HTR7: variants seen among roughly 807,000 people sequenced by gnomAD.
HTR7 encodes the protein 5-HT-7.
Under a neutral mutation model 34.0 loss-of-function variants are expected in HTR7, and 16 were observed. The ratio of observed to expected loss-of-function variants is 0.47; its 90% confidence interval spans 0.32 to 0.71. The LOEUF is 0.71. HTR7 is among the 30% of genes least tolerant of loss of function. The probability of loss-of-function intolerance (pLI) is 0.04; values close to 1 mark genes in which losing one functional copy is unlikely to be tolerated. For synonymous variants in HTR7, 265 were observed against 260.2 expected (o/e 1.02, Z -0.18); for missense variants, 504 against 625.5 (o/e 0.81, Z 2.07).
intron 1 of HTR7, among the ~76,000 whole-genome samples, chr10:90,827,016 T>C (rs532700230): frequency 2.6e-5 from 4 of 151,692 alleles, no homozygotes; most frequent in African/African-American, 9.7e-5. Flanking sequence ...GCAAGCCTCA[T>C]AGTAACTTCA....
At chr10:90,818,448 A>G (rs1845930284) in intron 1 of HTR7, among the ~76,000 whole-genome samples, 1 of 150,088 alleles carries the variant, frequency 6.7e-6, no homozygotes, top group Admixed American at 6.6e-5. Context: ...TGGGAAGCTG[A>G]GGCAGAAGAA....
In HTR7 at chr10:90,844,725, T is replaced by TAAAAA. The variant is rs1564701422; in HGVS notation, c.539+12407_539+12408insTTTTT. Among the ~76,000 whole-genome samples the TAAAAA allele has an allele frequency of 9.7e-4, 27 of 27,796 alleles. 5 individuals carry two copies. Among genetic ancestry groups the TAAAAA allele is most frequent in the Admixed American group, 3.2e-3 (7 of 2,162 alleles). 18.2% of individuals were successfully genotyped at this position (27,796 alleles called of 152,430 possible). A position where few individuals can be genotyped will look rare whatever the true frequency, so the allele number is the denominator to read the frequency against. ...CTGGGCAACAGAATGAGACTCCGTC[T>TAAAAA]CAAAAAAAAAAAAAAAAAAAAAAAA... On this transcript the variant is annotated intron_variant, in intron 1 of 3. Coordinates refer to ENST00000336152, the MANE Select transcript of HTR7 (RefSeq NM_019859.4).
intron 1 of HTR7, among the ~76,000 whole-genome samples, chr10:90,767,602 T>A (rs1238883038): frequency 6.6e-6 from 1 of 152,158 alleles, no homozygotes; most frequent in Non-Finnish European, 1.5e-5. Flanking sequence ...TGTGACTTGT[T>A]TTTACCAACA....
At chr10:90,806,365 G>A (rs1845706495) in intron 1 of HTR7, among the ~76,000 whole-genome samples, 1 of 152,158 alleles carries the variant, frequency 6.6e-6, no homozygotes, top group African/African-American at 2.4e-5. Context: ...TTGGGAGGCT[G>A]AGGTGGGCGG....
chr10:90,822,005 C>A (rs571812458), intron 1 of HTR7, among the ~76,000 whole-genome samples: 11 of 152,148 alleles, frequency 7.2e-5, no homozygotes, highest in Non-Finnish European at 1.0e-4. Context: ...GCATAAATTA[C>A]CGAGTCTCAG....
At chr10:90,769,251 TA>T (rs1845070273) in intron 1 of HTR7, among the ~76,000 whole-genome samples, 3 of 152,240 alleles carry the variant, frequency 2.0e-5, no homozygotes, top group Admixed American at 2.0e-4. Flanking sequence ...AAGCTTTGAG[TA>T]AGACATTTGT....
At chr10:90,780,061 A>G (rs188897270) in intron 1 of HTR7, among the ~76,000 whole-genome samples, 1 of 152,302 alleles carries the variant, frequency 6.6e-6, no homozygotes, top group East Asian at 1.9e-4. Flanking sequence ...ACAAGCTTCT[A>G]TAAGTGTATC....
Position 90,792,741 on chromosome 10 carries a change from A to C in HTR7, c.540-43147T>G, listed in dbSNP as rs186640892. On this transcript the variant is annotated intron_variant, in intron 1 of 3. Transcript: ENST00000336152. The stretch of plus-strand genomic sequence containing the variant: ...ACATCTAAAATGGAAAGGCTTATCT[A>C]ATAAGGGTTCTGATAAACCCTTAAA... 8.9e-3 allele frequency among the ~76,000 whole-genome samples: 1,352 copies of C among 152,180 alleles called. 10 individuals are homozygous for C. The highest frequency in any genetic ancestry group is 0.01 in the Non-Finnish European group (704 of 67,960).
chr10:90,801,540 G>T (rs1184245186), intron 1 of HTR7, among the ~76,000 whole-genome samples: 1 of 152,204 alleles, frequency 6.6e-6, no homozygotes, highest in East Asian at 1.9e-4. Flanking sequence ...CATTCTGAAG[G>T]TTCCCATGTA....
intron 1 of HTR7, among the ~76,000 whole-genome samples, chr10:90,831,254 C>T (rs1431631339): frequency 6.6e-6 from 1 of 152,168 alleles, no homozygotes; most frequent in South Asian, 2.1e-4. Flanking sequence ...TTCTTAAAGG[C>T]AGCGTGTCCG....
intron 1 of HTR7, among the ~76,000 whole-genome samples, chr10:90,829,893 C>T (rs770936705): frequency 9.2e-5 from 14 of 151,912 alleles, no homozygotes; most frequent in Non-Finnish European, 1.6e-4. Context: ...AAATTAAATA[C>T]CTAGGAATTA....
intron 1 of HTR7, among the ~76,000 whole-genome samples, chr10:90,778,348 G>T (rs1198033968): frequency 5.3e-5 from 8 of 152,208 alleles, no homozygotes; most frequent in African/African-American, 1.9e-4. Context: ...AGATTATTAT[G>T]GGAGTGGAAG....
intron 1 of HTR7, among the ~76,000 whole-genome samples, chr10:90,856,150 ATTTC>A (rs576809597): frequency 1.1e-3 from 167 of 152,350 alleles, no homozygotes; most frequent in Non-Finnish European, 6.2e-4. Flanking sequence ...ATAAGCAACC[ATTTC>A]TCTGTATCAT....
chr10:90,747,258 G>A (rs1844654316), intron 2 of HTR7, among the ~76,000 whole-genome samples: 1 of 152,136 alleles, frequency 6.6e-6, no homozygotes, highest in Non-Finnish European at 1.5e-5. Context: ...TATGTGTCAA[G>A]CACTGTACTA....
At chr10:90,803,201 G>A (rs577080396) in intron 1 of HTR7, among the ~76,000 whole-genome samples, 23 of 152,158 alleles carry the variant, frequency 1.5e-4, no homozygotes, top group African/African-American at 5.3e-4. Flanking sequence ...ATAAAAGGAA[G>A]TAAAGTACAC....
intron 1 of HTR7, among the ~76,000 whole-genome samples, chr10:90,754,322 G>A (rs1316293463): frequency 6.6e-6 from 1 of 151,826 alleles, no homozygotes; most frequent in Non-Finnish European, 1.5e-5. Context: ...ATTCAGGGAA[G>A]TGTTTCTCTA....
intron 1 of HTR7, among the ~76,000 whole-genome samples, chr10:90,787,484 TC>T (rs2119867770): frequency 6.6e-6 from 1 of 151,870 alleles, no homozygotes; most frequent in East Asian, 1.9e-4. Flanking sequence ...GGAGCAAGAC[TC>T]CATCTCAAAA....
chr10:90,764,668 T>C (rs1750472170), intron 1 of HTR7, among the ~76,000 whole-genome samples: 1 of 152,186 alleles, frequency 6.6e-6, no homozygotes, highest in East Asian at 1.9e-4. Flanking sequence ...TTTCTTTTTC[T>C]TGCCTAATTA....
chr10:90,838,654 C>G (rs1309369151), intron 1 of HTR7, among the ~76,000 whole-genome samples: 1 of 152,222 alleles, frequency 6.6e-6, no homozygotes, highest in Non-Finnish European at 1.5e-5. Flanking sequence ...CAACACTTCT[C>G]TAATCTCATC....
Sources: allele counts gnomAD v4.1 joint callset (sites outside exome capture counted in the v4.1 genomes callset), GRCh38; gene constraint gnomAD v4.1.1; transcripts MANE v1.5; gene names NCBI Gene and HGNC (gene_info 2026-07-23, HGNC 2026-07-21).